TNNI3K: variants seen among roughly 807,000 people sequenced by gnomAD.
TNNI3K encodes serine/threonine-protein kinase TNNI3K.
A neutral mutation model predicts 114.5 loss-of-function variants in TNNI3K; 140 were observed. That is an observed-to-expected ratio of 1.22 (90% CI 1.07 to 1.41). TNNI3K has a LOEUF of 1.41. TNNI3K is among the 40% of genes most tolerant of loss of function. The pLI, the probability that TNNI3K is intolerant of heterozygous loss-of-function variation, is 0.00. For synonymous variants in TNNI3K, 347 were observed against 347.5 expected (o/e 1.00, Z 0.02); for missense variants, 1,125 against 1,007.6 (o/e 1.12, Z -1.58).
At chr1:74,324,754 C>T (rs1462738039) in intron 5 of TNNI3K, among the ~76,000 whole-genome samples, 1 of 152,074 alleles carries the variant, frequency 6.6e-6, no homozygotes, top group Non-Finnish European at 1.5e-5. Context: ...AATAAGGATC[C>T]AACAGTTACA....
At chr1:74,407,530 GTA>G (rs1330461697) in intron 17 of TNNI3K, among the ~76,000 whole-genome samples, 2 of 152,088 alleles carry the variant, frequency 1.3e-5, no homozygotes, top group African/African-American at 4.8e-5. Context: ...AGATTTTGTT[GTA>G]TTGTTTTTCT....
At chr1:74,265,516 C>A (rs1655920487) in intron 4 of TNNI3K, among the ~76,000 whole-genome samples, 1 of 151,942 alleles carries the variant, frequency 6.6e-6, no homozygotes, top group Non-Finnish European at 1.5e-5. Flanking sequence ...GAACTACCAT[C>A]CTGCCACACT....
At chr1:74,458,817 G>C (rs1261887660) in intron 20 of TNNI3K, among the ~76,000 whole-genome samples, 2 of 152,078 alleles carry the variant, frequency 1.3e-5, no homozygotes, top group South Asian at 4.1e-4. Flanking sequence ...AGGTTCATTG[G>C]TATATTGTGA....
intron 2 of TNNI3K, among the ~76,000 whole-genome samples, chr1:74,237,556 C>G (rs1450219176): frequency 1.3e-5 from 2 of 151,942 alleles, no homozygotes; most frequent in Non-Finnish European, 2.9e-5. Flanking sequence ...TGAAGGCTAG[C>G]TTAAACTAGA....
chr1:74,520,208 A>G (rs1226991674), intron 23 of TNNI3K, among the ~76,000 whole-genome samples: 1 of 151,922 alleles, frequency 6.6e-6, no homozygotes, highest in Non-Finnish European at 1.5e-5. Flanking sequence ...ATGCATGTGC[A>G]TCCTCATATA....
At chr1:74,359,513 T>C (rs1375022299) in intron 11 of TNNI3K, among the ~76,000 whole-genome samples, 6 of 152,026 alleles carry the variant, frequency 3.9e-5, no homozygotes, top group Non-Finnish European at 7.4e-5. Flanking sequence ...AAAGTGTGTG[T>C]TGTTTTGTTA....
intron 5 of TNNI3K, among the ~76,000 whole-genome samples, chr1:74,285,394 G>A (rs544014998): frequency 3.3e-5 from 5 of 152,124 alleles, no homozygotes; most frequent in Admixed American, 6.5e-5. Flanking sequence ...TGTATGCCCC[G>A]TGTTTCTACA....
intron 17 of TNNI3K, among the ~76,000 whole-genome samples, chr1:74,397,515 T>C (rs1420483581): frequency 6.6e-6 from 1 of 152,234 alleles, no homozygotes; most frequent in African/African-American, 2.4e-5. Flanking sequence ...GCTTGACTGG[T>C]TCCCAAATTT....
chr1:74,257,969 C>T (rs572860767), intron 4 of TNNI3K, among the ~76,000 whole-genome samples: 8 of 152,192 alleles, frequency 5.3e-5, no homozygotes, highest in Non-Finnish European at 1.2e-4. Flanking sequence ...GCCCGGCCGC[C>T]TCTCGGCATA....
At chr1:74,264,791 A>G (rs943267412) in intron 4 of TNNI3K, among the ~76,000 whole-genome samples, 1 of 152,030 alleles carries the variant, frequency 6.6e-6, no homozygotes, top group Non-Finnish European at 1.5e-5. Context: ...GGACTAAATC[A>G]TAAGGTGAAT....
intron 5 of TNNI3K, among the ~76,000 whole-genome samples, chr1:74,325,195 C>T (rs1463710149): frequency 6.6e-6 from 1 of 152,196 alleles, no homozygotes; most frequent in African/African-American, 2.4e-5. Context: ...TACCCACAGA[C>T]TGTGTTTGCT....
intron 21 of TNNI3K, among the ~76,000 whole-genome samples, chr1:74,487,035 C>G (rs983251740): frequency 1.3e-5 from 2 of 151,948 alleles, no homozygotes; most frequent in African/African-American, 4.8e-5. Context: ...AATTAGAGAC[C>G]GCAAATTTGG....
chr1:74,418,843 T>G (rs1367800469), intron 17 of TNNI3K, among the ~76,000 whole-genome samples: 1 of 152,114 alleles, frequency 6.6e-6, no homozygotes, highest in Non-Finnish European at 1.5e-5. Context: ...TTGCAATGTT[T>G]TATAATTCAC....
At chr1:74,379,330 C>T (rs564016659) in intron 17 of TNNI3K, among the ~76,000 whole-genome samples, 13 of 30,578 alleles carry the variant, frequency 4.3e-4, no homozygotes, top group Admixed American at 9.4e-4. Flanking sequence ...CACACATACA[C>T]GCGCGCACAC....
At chr1:74,382,572 C>G (rs1004037971) in intron 17 of TNNI3K, among the ~76,000 whole-genome samples, 1 of 152,090 alleles carries the variant, frequency 6.6e-6, no homozygotes, top group Non-Finnish European at 1.5e-5. Context: ...CAGCATAGTC[C>G]CTTTCTGAAA....
Position 74,526,560 on chromosome 1 carries a change from A to T in TNNI3K, c.2352-13674A>T, listed in dbSNP as rs139490516. 7.6e-3 allele frequency among the ~76,000 whole-genome samples: 1,152 copies of T among 152,322 alleles called. 17 individuals are homozygous for T. The highest frequency in any genetic ancestry group is 0.027 in the African/African-American group (1,118 of 41,578). On this transcript the variant is annotated intron_variant, in intron 23 of 24. Coordinates refer to ENST00000326637, the MANE Select transcript of TNNI3K (RefSeq NM_015978.3). ...TGAAAATAAGAATATCATCTTCTTC[A>T]TTAGGTTGCAATGAAGGTGACGTGA...
intron 23 of TNNI3K, among the ~76,000 whole-genome samples, chr1:74,512,973 C>G (rs1225533197): frequency 6.6e-6 from 1 of 152,210 alleles, no homozygotes; most frequent in East Asian, 1.9e-4. Flanking sequence ...CTATAGACGA[C>G]TTTTGCCCTT....
At chr1:74,390,611 A>G (rs1260242348) in intron 17 of TNNI3K, among the ~76,000 whole-genome samples, 1 of 152,160 alleles carries the variant, frequency 6.6e-6, no homozygotes, top group East Asian at 1.9e-4. Flanking sequence ...CTGAGGTTAT[A>G]GGATTAAGTA....
chr1:74,251,068 A>C (rs1000145423), intron 4 of TNNI3K, among the ~76,000 whole-genome samples: 2 of 152,170 alleles, frequency 1.3e-5, no homozygotes, highest in African/African-American at 4.8e-5. Context: ...GATTTAAGAC[A>C]AGGCAGTCTA....
Sources: allele counts gnomAD v4.1 joint callset (sites outside exome capture counted in the v4.1 genomes callset), GRCh38; gene constraint gnomAD v4.1.1; transcripts MANE v1.5; gene names NCBI Gene and HGNC (gene_info 2026-07-23, HGNC 2026-07-21).